TNS3: variants seen among roughly 807,000 people sequenced by gnomAD.
TNS3 encodes the protein tensin-3.
Under a neutral mutation model 140.9 loss-of-function variants are expected in TNS3, and 45 were observed. The ratio of observed to expected loss-of-function variants is 0.32; its 90% CI spans 0.25 to 0.41. TNS3 has a LOEUF of 0.41. Ranked by LOEUF, TNS3 falls within the 10% of genes least tolerant of loss-of-function variation. The pLI, the probability that TNS3 is intolerant of heterozygous loss-of-function variation, is 1.00. For missense variants in TNS3, 1,716 were observed against 1,906.7 expected (o/e 0.90, Z 1.86); for synonymous variants, 815 against 788.4 (o/e 1.03, Z -0.56).
intron 13 of TNS3, among the ~76,000 whole-genome samples, chr7:47,411,500 G>T (rs1793765908): frequency 6.6e-6 from 1 of 152,112 alleles, no homozygotes; most frequent in Non-Finnish European, 1.5e-5. Flanking sequence ...GGCTCAGGTG[G>T]TCATGCTCGC....
At chr7:47,396,457 A>C (rs755969580) in intron 16 of TNS3, 1 of 262,942 alleles carries the variant, frequency 3.8e-6, no homozygotes, top group Non-Finnish European at 7.3e-6. Flanking sequence ...AGCGCTTGGC[A>C]TCCCCATATG....
At chr7:47,496,610 T>C (rs1798016273) in intron 3 of TNS3, among the ~76,000 whole-genome samples, 1 of 152,196 alleles carries the variant, frequency 6.6e-6, no homozygotes. Context: ...GTAAAAGCGA[T>C]GGTGGCCAAC....
In TNS3 at chr7:47,491,098, C is replaced by T. The variant is rs375448454; in HGVS notation, c.-114-9957G>A. Among the ~76,000 whole-genome samples the T allele has an allele frequency of 6.4e-3, 974 of 152,268 alleles. 3 individuals carry two copies. The highest frequency in any genetic ancestry group is 0.012 in the South Asian group (57 of 4,824). On this transcript the variant is annotated intron_variant, in intron 3 of 30. Coordinates refer to ENST00000311160, the MANE Select transcript of TNS3 (RefSeq NM_022748.12). ...GCGCGGCTGTGGCTTCAGCACGAGG[C>T]GGGCAGACATGACCCAGGACACTAG...
rs569852998 is a variant in TNS3 at position 47,519,222 on chromosome 7, C to A, written c.-153+9814G>T. On this transcript the variant is annotated intron_variant, in intron 2 of 30. Transcript: ENST00000311160. Reference sequence around the variant, plus strand: ...AGGACGAACCTTGTTGTCTCTTTACCTTGTTGTTAACCTGCCCCCCATTTA... The same window carrying A: ...AGGACGAACCTTGTTGTCTCTTTACATTGTTGTTAACCTGCCCCCCATTTA... Among the ~76,000 whole-genome samples, 232 of 152,168 alleles carry A rather than the reference C, an allele frequency of 1.5e-3. 2 individuals carry two copies. The highest frequency in any genetic ancestry group is 5.2e-3 in the African/African-American group (217 of 41,524).
chr7:47,376,915 T>A (rs1791425688), intron 16 of TNS3, among the ~76,000 whole-genome samples: 2 of 152,314 alleles, frequency 1.3e-5, no homozygotes, highest in South Asian at 4.1e-4. Flanking sequence ...AGCTAGTGCA[T>A]TTCTATCCTC....
intron 20 of TNS3, among the ~76,000 whole-genome samples, chr7:47,326,812 C>G (rs6958065): frequency 6.6e-6 from 1 of 152,196 alleles, no homozygotes; most frequent in Non-Finnish European, 1.5e-5. Flanking sequence ...CTTCCATCAG[C>G]TGGAGAGCAA....
At position 47,369,121 on chromosome 7, in the gene TNS3, G is replaced by A. The variant is rs139781998; in HGVS notation, c.1525C>T (p.Pro509Ser). ...SEGPQSAHLG[P>S]FTCHKSSQNS... ...TGGCTGCTCTTGTGGCAGGTGAAGGGACCCAGGTGGGCCGACTGAGGCCCT... is the reference window on the plus strand; with the variant it reads ...TGGCTGCTCTTGTGGCAGGTGAAGGAACCCAGGTGGGCCGACTGAGGCCCT... Residue 509 changes from proline (P) to serine (S), a missense_variant, in exon 17 of 31, where the codon CCC (proline) becomes TCC (serine). Physicochemically the swap from Pro to Ser is moderately conservative, Grantham distance 74 (BLOSUM62 -1). Transcript: ENST00000311160. The A allele has an allele frequency of 2.2e-3, 3,593 of 1,613,860 alleles. 15 individuals are homozygous for A. Among genetic ancestry groups the A allele is most frequent in the Middle Eastern group, 0.021 (125 of 6,062 alleles).
At chr7:47,357,800 C>A (rs1181536582) in intron 17 of TNS3, among the ~76,000 whole-genome samples, 11 of 152,144 alleles carry the variant, frequency 7.2e-5, no homozygotes, top group Non-Finnish European at 1.6e-4. Context: ...ATTGAAAATT[C>A]TTTCCACTGG....
intron 1 of TNS3, among the ~76,000 whole-genome samples, chr7:47,561,393 C>A (rs377493192): frequency 2.5e-4 from 38 of 152,288 alleles, no homozygotes; most frequent in African/African-American, 9.1e-4. Context: ...TGGGACCACC[C>A]ACCTCAGGAT....
At chr7:47,294,819 T>G (rs886973469) in intron 24 of TNS3, among the ~76,000 whole-genome samples, 1 of 152,202 alleles carries the variant, frequency 6.6e-6, no homozygotes, top group Non-Finnish European at 1.5e-5. Flanking sequence ...AAGAACATAT[T>G]GACATTCAGT....
chr7:47,478,739 G>T (rs1287147055), intron 4 of TNS3, among the ~76,000 whole-genome samples: 2 of 151,820 alleles, frequency 1.3e-5, no homozygotes, highest in East Asian at 3.9e-4. Flanking sequence ...TATGGCACAT[G>T]TATGTATTCA....
chr7:47,376,662 A>G (rs1791402957), intron 16 of TNS3, among the ~76,000 whole-genome samples: 1 of 152,000 alleles, frequency 6.6e-6, no homozygotes, highest in South Asian at 2.1e-4. Flanking sequence ...CACTCCAAAA[A>G]AAGATAAAAT....
chr7:47,410,289 G>A (rs1282515772), intron 13 of TNS3, among the ~76,000 whole-genome samples: 2 of 152,338 alleles, frequency 1.3e-5, no homozygotes, highest in East Asian at 1.9e-4. Context: ...CCTTAGGACA[G>A]TAGAACAGAG....
chr7:47,522,508 G>A (rs1320386288), intron 2 of TNS3, among the ~76,000 whole-genome samples: 3 of 152,208 alleles, frequency 2.0e-5, no homozygotes, highest in Non-Finnish European at 4.4e-5. Flanking sequence ...GGCACCTCAG[G>A]CTTGGGAGCA....
intron 9 of TNS3, among the ~76,000 whole-genome samples, chr7:47,428,047 G>C (rs1419376279): frequency 6.6e-6 from 1 of 152,064 alleles, no homozygotes; most frequent in Non-Finnish European, 1.5e-5. Context: ...AGGGACAGTG[G>C]GGTCACTTAT....
intron 2 of TNS3, among the ~76,000 whole-genome samples, chr7:47,515,600 CCATCAT>C (rs1798754274): frequency 6.6e-6 from 1 of 152,054 alleles, no homozygotes; most frequent in Non-Finnish European, 1.5e-5. Context: ...CTCACCATCA[CCATCAT>C]GATCATCTTG....
At chr7:47,467,264 C>CA (rs1389650122) in intron 4 of TNS3, among the ~76,000 whole-genome samples, 1 of 152,182 alleles carries the variant, frequency 6.6e-6, no homozygotes. Flanking sequence ...TGCTAGTGGT[C>CA]ATCACGCTGG....
chr7:47,477,694 GTCAGT>G (rs1797246963), intron 4 of TNS3, among the ~76,000 whole-genome samples: 1 of 152,236 alleles, frequency 6.6e-6, no homozygotes, highest in Admixed American at 6.5e-5. Flanking sequence ...CATCGGGGAT[GTCAGT>G]ATTATCTGAA....
At chr7:47,565,492 G>A (rs1404091821) in intron 1 of TNS3, among the ~76,000 whole-genome samples, 5 of 151,808 alleles carry the variant, frequency 3.3e-5, no homozygotes, top group Admixed American at 2.6e-4. Context: ...TCAGCTTCCC[G>A]AGTAGCTGGA....
Sources: gnomAD v4.1 joint callset for allele counts (sites outside exome capture counted in the v4.1 genomes callset) on GRCh38, gnomAD v4.1.1 for gene constraint, MANE v1.5 for transcripts, NCBI Gene and HGNC (gene_info 2026-07-23, HGNC 2026-07-21) for gene names.